ASMTL: variants seen among roughly 807,000 people sequenced by gnomAD.
ASMTL encodes the protein probable bifunctional dTTP/UTP pyrophosphatase/methyltransferase protein.
Under a neutral mutation model 60.3 loss-of-function variants are expected in ASMTL, and 57 were observed. The ratio of observed to expected loss-of-function variants is 0.95; its 90% CI spans 0.76 to 1.18. The LOEUF (loss-of-function observed/expected upper bound fraction) is 1.18. ASMTL is among the 50% of genes most tolerant of loss of function. ASMTL has a pLI of 0.00. For missense variants in ASMTL, 981 were observed against 852.6 expected, an observed-to-expected ratio of 1.15 and a Z score of -1.88; for synonymous variants, 419 against 373.0, an observed-to-expected ratio of 1.12 and a Z score of -1.42.
At chrX:1,419,605 C>T (rs1419582409) in intron 9 of ASMTL, among the ~76,000 whole-genome samples, 14 of 152,034 alleles carry the variant, frequency 9.2e-5, no homozygotes, top group African/African-American at 3.1e-4. Context: ...CCCCCAGTGG[C>T]ACCTACCCCG....
At position 1,438,946 on chromosome X, in the gene ASMTL, C is replaced by T. The variant is rs2091041348; in HGVS notation, c.273+151G>A. 117 of 867,656 alleles carry T rather than the reference C, an allele frequency of 1.3e-4. 2 individuals carry two copies. The South Asian group carries it at 1.8e-3, about 13-fold the overall frequency. The allele number at this position is 867,656 out of a possible 1,614,324, so 53.7% of individuals were successfully genotyped here. On this transcript the variant is annotated intron_variant, in intron 3 of 12. Transcript: ENST00000381317. ...CTGGCCCCTTCCCGTGCCCTTAGGC[C>T]CCTCATCTGCTGGTAGTTTGTGATG...
At chrX:1,428,390 C>T (rs1390832932) in intron 6 of ASMTL, among the ~76,000 whole-genome samples, 1 of 151,706 alleles carries the variant, frequency 6.6e-6, no homozygotes, top group African/African-American at 2.4e-5. Context: ...GGCTGTAATC[C>T]CAGCACTTTG....
In ASMTL at chrX:1,435,021, C is replaced by A. The variant is rs1247492971; in HGVS notation, c.400+1G>T. 1.2e-6 allele frequency: 2 copies of A among 1,613,840 alleles called. No individual in the cohort carries two copies. Among genetic ancestry groups the A allele is most frequent in the Non-Finnish European group, 1.7e-6 (2 of 1,179,850 alleles). On this transcript the variant is annotated splice_donor_variant, in intron 5 of 12. Transcript: ENST00000381317. LOFTEE classifies it high-confidence loss of function. ...TACCCCGAAACCTGGGCCGCGGTTACCTTTGCTGGAGCAGTGGACGATCGC... is the reference window on the plus strand; with the variant it reads ...TACCCCGAAACCTGGGCCGCGGTTAACTTTGCTGGAGCAGTGGACGATCGC...
chrX:1,407,876 G>A (rs1465953309), intron 12 of ASMTL, among the ~76,000 whole-genome samples: 2 of 151,720 alleles, frequency 1.3e-5, no homozygotes, highest in Non-Finnish European at 2.9e-5. Context: ...GACACAGAGA[G>A]GAGGAGACAG....
chrX:1,411,738 A>T (rs117899900), intron 12 of ASMTL, among the ~76,000 whole-genome samples: 3 of 128,666 alleles, frequency 2.3e-5, no homozygotes, highest in Admixed American at 7.7e-5. Flanking sequence ...CCTCCTCAAG[A>T]ATGAAGACTT....
chrX:1,418,890 G>C (rs1451517610), intron 10 of ASMTL, 92 bp downstream of exon 10: 36 of 1,527,024 alleles, frequency 2.4e-5, no homozygotes, highest in Non-Finnish European at 2.9e-5. Flanking sequence ...TTTGTCAATG[G>C]AAAAAGGCAG....
At chrX:1,423,766 G>A (rs868470928) in intron 8 of ASMTL, among the ~76,000 whole-genome samples, 9 of 40,738 alleles carry the variant, frequency 2.2e-4, no homozygotes, top group African/African-American at 3.8e-4. Flanking sequence ...CCATCCATCC[G>A]TCCACCCACC....
chrX:1,428,322 CA>C (rs61684472), intron 6 of ASMTL: 94,162 of 136,216 alleles, frequency 0.69, 33,654 homozygotes, highest in Middle Eastern at 0.89. Context: ...TTTGGCATCT[CA>C]AAAAAAAAAA....
At chrX:1,404,753 C>G (rs868247597) in intron 12 of ASMTL, among the ~76,000 whole-genome samples, 40 of 105,834 alleles carry the variant, frequency 3.8e-4, no homozygotes, top group South Asian at 6.2e-4. Flanking sequence ...ATAGATGGTA[C>G]ATGATGGACA....
rs2090806956 is a variant in ASMTL, at chrX:1,432,101, T to C, written c.509+168A>G. ...GCCTCTTTGAGCCTCCATGGGTCAG[T>C]GTGGTCGTGAAGGGTTTGTGCTTCT... On this transcript the variant is annotated intron_variant, in intron 6 of 12. Transcript: ENST00000381317. 34 of 623,846 alleles carry C rather than the reference T, an allele frequency of 5.5e-5. No individual in the cohort carries two copies. In the South Asian group the frequency reaches 6.6e-4, roughly 12 times the overall value. 38.6% of individuals were successfully genotyped at this position (623,846 alleles called of 1,614,324 possible).
chrX:1,417,447 T>A (rs2090330098), intron 11 of ASMTL, among the ~76,000 whole-genome samples: 1 of 142,110 alleles, frequency 7.0e-6, no homozygotes, highest in Admixed American at 7.1e-5. Flanking sequence ...CACAAGGACA[T>A]ACTACACAGA....
At chrX:1,404,476 GGATGTATA>G (rs1474450106) in intron 12 of ASMTL, among the ~76,000 whole-genome samples, 8 of 150,320 alleles carry the variant, frequency 5.3e-5, no homozygotes, top group Non-Finnish European at 1.2e-4. Context: ...GTAGATAGAT[GGATGTATA>G]GATGGATGGA....
At chrX:1,452,660 C>G in intron 1 of ASMTL, 88 bp downstream of exon 1, 1 of 1,116,664 alleles carries the variant, frequency 9.0e-7, no homozygotes, top group South Asian at 1.4e-5. Flanking sequence ...TCTCCCATCC[C>G]TATCCCTAGA....
intron 12 of ASMTL, among the ~76,000 whole-genome samples, chrX:1,411,421 A>C (rs185676150): frequency 0.018 from 2,761 of 152,288 alleles, 168 homozygotes; most frequent in Admixed American, 0.12. Flanking sequence ...AGATTCCCTC[A>C]GGGCCAGCTG....
chrX:1,418,183 T>G, intron 10 of ASMTL, 67 bp from the exon 11 acceptor site: 1 of 1,502,504 alleles, frequency 6.7e-7, no homozygotes, highest in Non-Finnish European at 9.0e-7. Flanking sequence ...TCTCCAAAGC[T>G]CAACTGGGGC....
At chrX:1,451,189 ACACTCCTCCCTCCCCATCCCTAAGGGGG>A (rs1569535230) in intron 1 of ASMTL, among the ~76,000 whole-genome samples, 185 of 3,318 alleles carry the variant, frequency 0.056, 4 homozygotes, top group Middle Eastern at 0.25. Context: ...GGGTCCTGGG[ACACTCCTCCCTCCCCATCCCTAAGGGGG>A]TCCCAGGTCA....
chrX:1,433,894 G>A (rs1318773977), intron 5 of ASMTL, among the ~76,000 whole-genome samples: 5 of 152,112 alleles, frequency 3.3e-5, no homozygotes, highest in African/African-American at 1.2e-4. Flanking sequence ...GTGCTGTCCC[G>A]AGTTCTGTGA....
intron 5 of ASMTL, 140 bp from the exon 6 acceptor site, chrX:1,432,517 G>C (rs766689013): frequency 2.9e-6 from 2 of 690,976 alleles, no homozygotes; most frequent in Non-Finnish European, 5.2e-6. Context: ...GGGAGAATAA[G>C]GTTCATTTCG....
At chrX:1,429,790 C>A (rs1159060845) in intron 6 of ASMTL, among the ~76,000 whole-genome samples, 3 of 151,588 alleles carry the variant, frequency 2.0e-5, no homozygotes, top group Admixed American at 2.0e-4. Context: ...GAGGAAGACT[C>A]CGTCTCAAAA....
Sources: allele counts gnomAD v4.1 joint callset (sites outside exome capture counted in the v4.1 genomes callset), GRCh38; gene constraint gnomAD v4.1.1; transcripts MANE v1.5; gene names NCBI Gene and HGNC (gene_info 2026-07-23, HGNC 2026-07-21).